Variants in GRID2 observed in about 807,000 individuals in gnomAD.
The protein encoded by GRID2 is glutamate ionotropic receptor delta type subunit 2.
A neutral mutation model predicts 114.8 loss-of-function variants in GRID2; 33 were observed. The observed-to-expected ratio is 0.29, with a 90% CI of 0.22 to 0.38. GRID2 has a LOEUF of 0.38. Ranked by LOEUF, GRID2 falls within the 10% of genes least tolerant of loss-of-function variation. GRID2 has a pLI of 1.00. For missense variants in GRID2, 1,184 were observed against 1,257.7 expected (o/e 0.94, Z 0.89); for synonymous variants, 505 against 449.9 (o/e 1.12, Z -1.55).
chr4:92,514,332 T>A (rs1724401851), intron 1 of GRID2, among the ~76,000 whole-genome samples: 1 of 151,870 alleles, frequency 6.6e-6, no homozygotes, highest in Non-Finnish European at 1.5e-5. Context: ...CCCAATAAAC[T>A]TGAGATATAT....
intron 1 of GRID2, among the ~76,000 whole-genome samples, chr4:92,563,071 C>T (rs1029337859): frequency 6.6e-6 from 1 of 152,178 alleles, no homozygotes; most frequent in Non-Finnish European, 1.5e-5. Context: ...GAGACTGCCT[C>T]ATGAGTGGCA....
At chr4:93,170,769 G>A (rs554879868) in intron 4 of GRID2, among the ~76,000 whole-genome samples, 21 of 151,862 alleles carry the variant, frequency 1.4e-4, no homozygotes, top group African/African-American at 4.4e-4. Context: ...TGCCTATTGC[G>A]CACATCCACT....
At chr4:92,379,508 A>G (rs1346060456) in intron 1 of GRID2, among the ~76,000 whole-genome samples, 1 of 152,106 alleles carries the variant, frequency 6.6e-6, no homozygotes, top group Non-Finnish European at 1.5e-5. Context: ...TAAAACAAAT[A>G]TCTTCTGTAT....
chr4:93,415,476 C>T (rs971209948), intron 9 of GRID2, among the ~76,000 whole-genome samples: 6 of 151,988 alleles, frequency 3.9e-5, no homozygotes, highest in Non-Finnish European at 8.8e-5. Flanking sequence ...TTTTTCAGTT[C>T]CTAAAGGTTG....
chr4:92,555,744 A>G (rs753381539), intron 1 of GRID2, among the ~76,000 whole-genome samples: 2 of 152,080 alleles, frequency 1.3e-5, no homozygotes, highest in African/African-American at 4.8e-5. Flanking sequence ...GTTATCTTCA[A>G]ATTTCAGGGG....
chr4:92,306,990 AT>A (rs950650706), intron 1 of GRID2, among the ~76,000 whole-genome samples: 4 of 152,198 alleles, frequency 2.6e-5, no homozygotes, highest in African/African-American at 9.6e-5. Context: ...CAAAAACTTT[AT>A]CTTTTATAAT....
At chr4:93,579,512 A>T (rs1736756371) in intron 13 of GRID2, among the ~76,000 whole-genome samples, 1 of 152,110 alleles carries the variant, frequency 6.6e-6, no homozygotes, top group African/African-American at 2.4e-5. Context: ...TACCCAAGTG[A>T]AATTCCTCTT....
intron 2 of GRID2, among the ~76,000 whole-genome samples, chr4:92,673,162 G>C (rs1202002831): frequency 6.6e-6 from 1 of 151,992 alleles, no homozygotes; most frequent in East Asian, 1.9e-4. Context: ...CATCTAGATA[G>C]ATGTGTGTAT....
intron 13 of GRID2, among the ~76,000 whole-genome samples, chr4:93,592,125 T>C (rs1033928072): frequency 6.6e-6 from 1 of 152,330 alleles, no homozygotes; most frequent in East Asian, 1.9e-4. Flanking sequence ...CTCTTGCTTT[T>C]CTAGTTCTTT....
At chr4:92,648,440 A>G (rs1731753791) in intron 2 of GRID2, among the ~76,000 whole-genome samples, 1 of 149,498 alleles carries the variant, frequency 6.7e-6, no homozygotes, top group Admixed American at 6.7e-5. Context: ...TCACAATGGG[A>G]CACATATCAG....
In GRID2 at chr4:93,238,449, G is replaced by T. The variant is rs1407346425; in HGVS notation, c.1204G>T (p.Gly402Ter). ...GNPNVHFEILGTNYGEELGRG... is the reference protein window; with the variant it reads ...GNPNVHFEIL ...TCCCAATGTCCACTTTGAAATCCTT[G>T]GAACCAACTATGGAGAAGAGCTTGG... Residue 402 changes from glycine to a stop codon, truncating the protein, a stop_gained, in exon 8 of 16, where the codon GGA (glycine) becomes TGA (stop). Transcript: ENST00000282020. LOFTEE classifies it high-confidence loss of function. 1 of 1,609,926 alleles carries T rather than the reference G, an allele frequency of 6.2e-7. No individual in the cohort carries two copies. The highest frequency in any genetic ancestry group is 8.5e-7 in the Non-Finnish European group (1 of 1,176,798).
chr4:93,461,352 A>G (rs1723722394), intron 11 of GRID2, among the ~76,000 whole-genome samples: 1 of 152,120 alleles, frequency 6.6e-6, no homozygotes, highest in African/African-American at 2.4e-5. Context: ...CCTATGAAAA[A>G]GAGAATAAAT....
rs187829626 is a variant in GRID2 at position 92,938,601 on chromosome 4, A to G, written c.245-146394A>G. Among the ~76,000 whole-genome samples the G allele has an allele frequency of 4.8e-4, 70 of 146,452 alleles. 16 individuals carry two copies. In the East Asian group the frequency reaches 0.015, roughly 31 times the overall value. ...TATTATACTTTAAGTTTTAGGGTAC[A>G]TGTGCACAATGTGCAGGTTTGTTAC... On this transcript the variant is annotated intron_variant, in intron 2 of 15. Coordinates refer to ENST00000282020, the MANE Select transcript of GRID2 (RefSeq NM_001510.4).
chr4:93,154,794 C>A (rs140998579), intron 4 of GRID2, among the ~76,000 whole-genome samples: 444 of 151,852 alleles, frequency 2.9e-3, no homozygotes, highest in African/African-American at 8.9e-3. Flanking sequence ...ACCACCACCA[C>A]CAACAAAAAA....
rs1451535650 is a variant in GRID2, at chr4:92,623,077, T to C, written c.244+32791T>C. 2.6e-5 allele frequency among the ~76,000 whole-genome samples: 4 copies of C among 151,686 alleles called. No individual in the cohort carries two copies. In the East Asian group the frequency reaches 7.8e-4, roughly 29 times the overall value. ...ATTAATATTTAAATCAACTTTAAAT[T>C]GGTCTATAAAAAACTAATAAAATTT... On this transcript the variant is annotated intron_variant, in intron 2 of 15. Transcript: ENST00000282020.
At chr4:93,707,022 G>A (rs1212195037) in intron 14 of GRID2, among the ~76,000 whole-genome samples, 1 of 152,066 alleles carries the variant, frequency 6.6e-6, no homozygotes, top group African/African-American at 2.4e-5. Context: ...GTTTATGTGT[G>A]TTGATCTATC....
intron 1 of GRID2, among the ~76,000 whole-genome samples, chr4:92,366,131 A>C (rs1317609480): frequency 6.6e-6 from 1 of 152,070 alleles, no homozygotes; most frequent in African/African-American, 2.4e-5. Flanking sequence ...TCATATCAAT[A>C]AAATAGCATA....
chr4:93,270,899 G>A (rs935786888), intron 8 of GRID2, among the ~76,000 whole-genome samples: 2 of 152,108 alleles, frequency 1.3e-5, no homozygotes, highest in African/African-American at 2.4e-5. Flanking sequence ...AAAGTGCTGG[G>A]ATTACAGGCG....
rs553576635 is a variant in GRID2, at chr4:92,838,570, T to C, written c.245-246425T>C. Among the ~76,000 whole-genome samples, 6 of 152,252 alleles carry C rather than the reference T, an allele frequency of 3.9e-5. No individual in the cohort carries two copies. In the East Asian group the frequency reaches 1.2e-3, roughly 29 times the overall value. ...ATTAAATTGAAATGTTTTACCTCTG[T>C]GTCTGCTATAATTTGAAACCAAAAG... On this transcript the variant is annotated intron_variant, in intron 2 of 15. Transcript: ENST00000282020.
Sources: allele counts gnomAD v4.1 joint callset (sites outside exome capture counted in the v4.1 genomes callset), GRCh38; gene constraint gnomAD v4.1.1; transcripts MANE v1.5; gene names NCBI Gene and HGNC (gene_info 2026-07-23, HGNC 2026-07-21).